Variants in TET1 observed in about 807,000 individuals in gnomAD.
TET1 encodes the protein tet methylcytosine dioxygenase 1, also known as methylcytosine dioxygenase TET1.
TET1 carries 13 observed loss-of-function variants against 148.7 expected under a neutral mutation model. The ratio of observed to expected loss-of-function variants is 0.09; its 90% confidence interval spans 0.06 to 0.14. TET1 has a LOEUF of 0.14. Ranked by LOEUF, TET1 falls within the 10% of genes least tolerant of loss-of-function variation. The probability of loss-of-function intolerance (pLI) is 1.00; values close to 1 mark genes in which losing one functional copy is unlikely to be tolerated. For synonymous variants in TET1, 907 were observed against 937.2 expected, an observed-to-expected ratio of 0.97 and a Z score of 0.59; for missense variants, 2,182 against 2,553.8, an observed-to-expected ratio of 0.85 and a Z score of 3.14.
At chr10:68,622,220 TC>T (rs1564973352) in intron 3 of TET1, among the ~76,000 whole-genome samples, 24 of 80,522 alleles carry the variant, frequency 3.0e-4, no homozygotes, top group African/African-American at 1.1e-3. Flanking sequence ...CTTCCTTCCT[TC>T]CCTCCTTCCT....
In TET1 at chr10:68,628,627, A is replaced by C. The variant is rs145175341; in HGVS notation, c.1969-16071A>C. Among the ~76,000 whole-genome samples the C allele has an allele frequency of 1.5e-3, 235 of 152,312 alleles. 3 individuals carry two copies. Among genetic ancestry groups the C allele is most frequent in the Admixed American group, 0.013 (195 of 15,296 alleles). ...GGGGTGCTTAGTTTTATCTAACTGA[A>C]GCTGGTGAAGAAATGTGTAGTTTAC... On this transcript the variant is annotated intron_variant, in intron 3 of 11. Transcript: ENST00000373644.
chr10:68,661,474 A>T (rs1034387527), intron 6 of TET1, among the ~76,000 whole-genome samples: 10 of 151,114 alleles, frequency 6.6e-5, no homozygotes, highest in Admixed American at 3.3e-4. Flanking sequence ...GGTATACTCA[A>T]ACTAAGAGTT....
intron 6 of TET1, among the ~76,000 whole-genome samples, chr10:68,663,878 A>G (rs1376054131): frequency 1.3e-5 from 2 of 152,074 alleles, no homozygotes; most frequent in African/African-American, 2.4e-5. Flanking sequence ...AAAAACCTCT[A>G]TGGGGCTTTG....
intron 3 of TET1, among the ~76,000 whole-genome samples, chr10:68,601,533 TC>T (rs2054055626): frequency 6.6e-6 from 1 of 152,216 alleles, no homozygotes; most frequent in Non-Finnish European, 1.5e-5. Flanking sequence ...AATCTCAAAT[TC>T]TCATAATATC....
intron 3 of TET1, among the ~76,000 whole-genome samples, chr10:68,612,152 C>T (rs991317797): frequency 8.0e-5 from 12 of 150,114 alleles, no homozygotes; most frequent in African/African-American, 2.2e-4. Flanking sequence ...TGCAGTGGCT[C>T]GATCTTGGCT....
chr10:68,660,101 T>G (rs1176723848), intron 6 of TET1, among the ~76,000 whole-genome samples: 1 of 152,192 alleles, frequency 6.6e-6, no homozygotes, highest in Non-Finnish European at 1.5e-5. Flanking sequence ...TTGACATGAA[T>G]GTTGCTCCCA....
intron 3 of TET1, among the ~76,000 whole-genome samples, chr10:68,629,816 G>A (rs539388159): frequency 9.2e-5 from 14 of 152,034 alleles, no homozygotes; most frequent in South Asian, 2.1e-4. Flanking sequence ...GATTACAGGC[G>A]TGAGCCACTG....
chr10:68,570,017 T>A (rs1380938024), intron 1 of TET1, among the ~76,000 whole-genome samples: 3 of 152,192 alleles, frequency 2.0e-5, no homozygotes, highest in Non-Finnish European at 4.4e-5. Flanking sequence ...GCAGGTTTGT[T>A]ACATGGGCAT....
chr10:68,672,006 G>A (rs942234289), intron 7 of TET1, among the ~76,000 whole-genome samples: 11 of 152,176 alleles, frequency 7.2e-5, no homozygotes, highest in African/African-American at 2.4e-4. Context: ...CCTCCCAAGG[G>A]CTGGGATTAC....
chr10:68,689,990 G>A (rs2055568329), intron 11 of TET1, among the ~76,000 whole-genome samples: 1 of 152,124 alleles, frequency 6.6e-6, no homozygotes, highest in South Asian at 2.1e-4. Flanking sequence ...TATTTTGCTT[G>A]ACTTCCCTCT....
At chr10:68,629,195 T>C (rs1589091914) in intron 3 of TET1, among the ~76,000 whole-genome samples, 1 of 152,052 alleles carries the variant, frequency 6.6e-6, no homozygotes, top group East Asian at 2.0e-4. Flanking sequence ...TGAAACCCTG[T>C]CTCTACTAAA....
chr10:68,595,941 T>TATATAC (rs1554932776), intron 2 of TET1, among the ~76,000 whole-genome samples: 4 of 38,230 alleles, frequency 1.0e-4, no homozygotes, highest in African/African-American at 3.1e-4. Flanking sequence ...TATATATATA[T>TATATAC]ATATATATAT....
In TET1 at chr10:68,595,983, T is replaced by TACACAC. The variant is rs773605594; in HGVS notation, c.1915-4958_1915-4953dup. On this transcript the variant is annotated intron_variant, in intron 2 of 11. Coordinates refer to ENST00000373644, the MANE Select transcript of TET1 (RefSeq NM_030625.3). ...ATATACACACACACACACACATATA[T>TACACAC]ACACACACACACACACACACACACA... is the stretch of plus-strand genomic sequence containing the variant. 8.0e-3 allele frequency among the ~76,000 whole-genome samples: 405 copies of TACACAC among 50,348 alleles called. 9 individuals are homozygous for TACACAC. The highest frequency in any genetic ancestry group is 0.029 in the Middle Eastern group (2 of 68). 33.0% of individuals were successfully genotyped at this position (50,348 alleles called of 152,430 possible). A position where few individuals can be genotyped will look rare whatever the true frequency, so the allele number is the denominator to read the frequency against.
chr10:68,645,941 C>G lies in TET1; in HGVS notation c.3212C>G (p.Thr1071Ser). ...DDLSCQDATH[T>S]QIEEDVATQL... ...CTATCATGTCAGGATGCAACCCATACCCAAATTGAGGAAGATGTTGCAACA... is the reference window on the plus strand; with the variant it reads ...CTATCATGTCAGGATGCAACCCATAGCCAAATTGAGGAAGATGTTGCAACA... Residue 1071 changes from threonine to serine, a missense_variant, in exon 4 of 12, where the codon ACC (threonine) becomes AGC (serine). Thr to Ser is a moderately conservative substitution (Grantham distance 58). Transcript: ENST00000373644. The G allele has an allele frequency of 1.2e-6, 2 of 1,613,834 alleles. No homozygotes were observed. The highest frequency in any genetic ancestry group is 1.7e-6 in the Non-Finnish European group (2 of 1,179,976).
intron 3 of TET1, among the ~76,000 whole-genome samples, chr10:68,635,276 C>T (rs936353131): frequency 1.3e-5 from 2 of 151,764 alleles, no homozygotes; most frequent in African/African-American, 4.8e-5. Context: ...TTAAATAAGT[C>T]AGTTCATTTC....
intron 3 of TET1, among the ~76,000 whole-genome samples, chr10:68,614,577 T>G (rs57605765): frequency 8.7e-4 from 132 of 152,276 alleles, no homozygotes; most frequent in African/African-American, 3.0e-3. Context: ...GGTGGCACGA[T>G]CTCAGCTCAC....
intron 8 of TET1, among the ~76,000 whole-genome samples, chr10:68,678,468 G>A (rs886482506): frequency 2.0e-5 from 3 of 152,172 alleles, no homozygotes; most frequent in African/African-American, 7.2e-5. Context: ...TGTGAACAGA[G>A]GCCTGGTGTG....
intron 6 of TET1, among the ~76,000 whole-genome samples, chr10:68,662,474 CG>C (rs2055135694): frequency 6.8e-6 from 1 of 147,700 alleles, no homozygotes; most frequent in Non-Finnish European, 1.5e-5. Flanking sequence ...ATAAATTTTA[CG>C]TATTATTAAT....
At chr10:68,596,015 CACACACACACACAT>C (rs1385775774) in intron 2 of TET1, among the ~76,000 whole-genome samples, 32 of 107,898 alleles carry the variant, frequency 3.0e-4, no homozygotes, top group Non-Finnish European at 3.5e-4. Flanking sequence ...CACACACACA[CACACACACACACAT>C]ATATATATAT....
Sources: allele counts gnomAD v4.1 joint callset (sites outside exome capture counted in the v4.1 genomes callset), GRCh38; gene constraint gnomAD v4.1.1; transcripts MANE v1.5; gene names NCBI Gene and HGNC (gene_info 2026-07-23, HGNC 2026-07-21).